NOL4: variants seen among roughly 807,000 people sequenced by gnomAD.
NOL4 encodes the protein nucleolar protein 4, also known as cancer/testis antigen 125.
Under a neutral mutation model 75.9 loss-of-function variants are expected in NOL4, and 17 were observed. The observed-to-expected ratio is 0.22, with a 90% confidence interval of 0.15 to 0.34. The LOEUF is 0.34. Ranked by LOEUF, NOL4 falls within the 10% of genes least tolerant of loss-of-function variation. The pLI, the probability that NOL4 is intolerant of heterozygous loss-of-function variation, is 1.00. For synonymous variants in NOL4, 292 were observed against 289.9 expected, an observed-to-expected ratio of 1.01 and a Z score of -0.07; for missense variants, 614 against 793.5, an observed-to-expected ratio of 0.77 and a Z score of 2.72.
At chr18:33,971,240 TG>T (rs2071032478) in intron 6 of NOL4, among the ~76,000 whole-genome samples, 1 of 152,222 alleles carries the variant, frequency 6.6e-6, no homozygotes, top group African/African-American at 2.4e-5. Flanking sequence ...AACACCTGTG[TG>T]GCATAATGCA....
chr18:34,050,239 C>G (rs1205819465), intron 5 of NOL4, among the ~76,000 whole-genome samples: 1 of 151,800 alleles, frequency 6.6e-6, no homozygotes, highest in Non-Finnish European at 1.5e-5. Context: ...CACCTGTTTT[C>G]ATTATGTTCA....
intron 5 of NOL4, among the ~76,000 whole-genome samples, chr18:34,027,081 C>A (rs1022383346): frequency 1.3e-5 from 2 of 152,160 alleles, no homozygotes; most frequent in African/African-American, 4.8e-5. Flanking sequence ...ATTCTACATT[C>A]TTTTCTCTAT....
At chr18:34,062,215 A>G (rs1224318467) in intron 5 of NOL4, among the ~76,000 whole-genome samples, 1 of 151,958 alleles carries the variant, frequency 6.6e-6, no homozygotes, top group African/African-American at 2.4e-5. Flanking sequence ...TTAAAAAAAA[A>G]GTTTTTTTTT....
intron 1 of NOL4, among the ~76,000 whole-genome samples, chr18:34,185,108 C>T (rs919571795): frequency 6.6e-6 from 1 of 152,122 alleles, no homozygotes; most frequent in Non-Finnish European, 1.5e-5. Context: ...CTCTTTTCAG[C>T]TTCACTTGCC....
At chr18:33,853,669 AT>A (rs1429224518) in intron 10 of NOL4, among the ~76,000 whole-genome samples, 1 of 152,072 alleles carries the variant, frequency 6.6e-6, no homozygotes, top group Non-Finnish European at 1.5e-5. Context: ...GACATATTAC[AT>A]TGGAATTTGC....
chr18:34,088,921 C>G (rs575513777), intron 5 of NOL4, among the ~76,000 whole-genome samples: 1 of 152,138 alleles, frequency 6.6e-6, no homozygotes, highest in South Asian at 2.1e-4. Flanking sequence ...ATTCTTCATT[C>G]AGGTTTGTGT....
At chr18:34,198,483 C>T (rs1334715754) in intron 1 of NOL4, among the ~76,000 whole-genome samples, 1 of 151,552 alleles carries the variant, frequency 6.6e-6, no homozygotes, top group African/African-American at 2.4e-5. Context: ...TAAAAATTCC[C>T]ATTATATTTT....
At chr18:34,133,272 CAAAA>C (rs1230503382) in intron 1 of NOL4, among the ~76,000 whole-genome samples, 1 of 57,898 alleles carries the variant, frequency 1.7e-5, no homozygotes, top group Non-Finnish European at 3.9e-5. Context: ...AACTCCGTCT[CAAAA>C]AAAAAAAAAA....
intron 9 of NOL4, among the ~76,000 whole-genome samples, chr18:33,916,364 C>T (rs886892509): frequency 6.6e-6 from 1 of 152,124 alleles, no homozygotes; most frequent in Non-Finnish European, 1.5e-5. Flanking sequence ...TCTTCAGCCT[C>T]TCGGGCTGCA....
chr18:33,904,280 A>T (rs1001056139), intron 9 of NOL4, among the ~76,000 whole-genome samples: 1 of 152,086 alleles, frequency 6.6e-6, no homozygotes, highest in African/African-American at 2.4e-5. Context: ...GGAAAAAAAT[A>T]AAAGCTTGGT....
chr18:34,030,939 T>C (rs2075609660), intron 5 of NOL4, among the ~76,000 whole-genome samples: 1 of 145,254 alleles, frequency 6.9e-6, no homozygotes, highest in Non-Finnish European at 1.5e-5. Context: ...TGTAAAAAAA[T>C]AGAAGATTAA....
At chr18:33,900,205 G>T (rs1383877243) in intron 9 of NOL4, among the ~76,000 whole-genome samples, 1 of 152,124 alleles carries the variant, frequency 6.6e-6, no homozygotes, top group Non-Finnish European at 1.5e-5. Context: ...AAGCAGGTGT[G>T]TCACATGGTG....
intron 2 of NOL4, among the ~76,000 whole-genome samples, chr18:34,110,585 T>G (rs913738085): frequency 6.6e-6 from 1 of 152,140 alleles, no homozygotes; most frequent in African/African-American, 2.4e-5. Context: ...TCATATTCAG[T>G]GGTGAGAAAA....
chr18:34,133,998 G>A (rs1040374142), intron 1 of NOL4, among the ~76,000 whole-genome samples: 6 of 152,112 alleles, frequency 3.9e-5, no homozygotes, highest in East Asian at 3.9e-4. Context: ...ACTCCAGCCC[G>A]AGCCACAGAG....
At chr18:34,058,110 G>A (rs1168552776) in intron 5 of NOL4, among the ~76,000 whole-genome samples, 5 of 151,970 alleles carry the variant, frequency 3.3e-5, no homozygotes, top group Non-Finnish European at 7.4e-5. Context: ...TCTATATTGT[G>A]CTCTTCCTCT....
intron 2 of NOL4, among the ~76,000 whole-genome samples, chr18:34,108,170 C>T (rs901626702): frequency 6.6e-6 from 1 of 151,976 alleles, no homozygotes; most frequent in East Asian, 1.9e-4. Context: ...TATGTAAGTG[C>T]TATGGTAACC....
chr18:33,912,109 T>C (rs2066444014), intron 9 of NOL4, among the ~76,000 whole-genome samples: 2 of 152,104 alleles, frequency 1.3e-5, no homozygotes, highest in Admixed American at 1.3e-4. Context: ...TCTTAGACTT[T>C]CCAGAGTCGA....
intron 2 of NOL4, among the ~76,000 whole-genome samples, chr18:34,116,633 A>C (rs892386396): frequency 6.6e-6 from 1 of 152,170 alleles, no homozygotes; most frequent in Non-Finnish European, 1.5e-5. Flanking sequence ...GAAATAAATG[A>C]CCTTTCCAAC....
chr18:34,215,584 C>T lies in NOL4; in HGVS notation c.264+7406G>A, dbSNP rs1006461686. On this transcript the variant is annotated intron_variant, in intron 1 of 10. Transcript: ENST00000261592. ...CAGGTAAGTAAAGTTGTGCTGCTAT[C>T]CATGGAGAGAGGGAATAAGAAAAAG... is the stretch of plus-strand genomic sequence containing the variant. Among the ~76,000 whole-genome samples the T allele has an allele frequency of 2.6e-5, 4 of 152,038 alleles. No homozygotes were observed. The East Asian group carries it at 5.8e-4, about 22-fold the overall frequency.
Sources: allele counts gnomAD v4.1 joint callset (sites outside exome capture counted in the v4.1 genomes callset), GRCh38; gene constraint gnomAD v4.1.1; transcripts MANE v1.5; gene names NCBI Gene and HGNC (gene_info 2026-07-23, HGNC 2026-07-21).